The following KIF19 variants were observed in gnomAD, a reference collection of about 807,000 sequenced individuals.
KIF19 encodes the protein kinesin-like protein KIF19.
Under a neutral mutation model 106.6 loss-of-function variants are expected in KIF19, and 98 were observed. The observed-to-expected ratio is 0.92, with a 90% CI of 0.78 to 1.09. The LOEUF (loss-of-function observed/expected upper bound fraction) is 1.09. Ranked by LOEUF, KIF19 falls within the 50% of genes least tolerant of loss-of-function variation. KIF19 has a pLI of 0.00. For synonymous variants in KIF19, 516 were observed against 584.2 expected (o/e 0.88, Z 1.68); for missense variants, 1,373 against 1,414.3 (o/e 0.97, Z 0.47).
At position 74,334,355 on chromosome 17, in the gene KIF19, C is replaced by T. The variant is rs75371884; in HGVS notation, c.120+5850C>T. 3.7e-3 allele frequency among the ~76,000 whole-genome samples: 557 copies of T among 152,264 alleles called. 1 individual carries two copies. The highest frequency in any genetic ancestry group is 0.012 in the African/African-American group (500 of 41,548). ...TTTCCCCACAGATTCTGACTGTGCGCGTGTGGGAAGTGCCTGAGAATCTGC... is the reference window on the plus strand; with the variant it reads ...TTTCCCCACAGATTCTGACTGTGCGTGTGTGGGAAGTGCCTGAGAATCTGC... On this transcript the variant is annotated intron_variant, in intron 2 of 19. Coordinates refer to ENST00000389916, the MANE Select transcript of KIF19 (RefSeq NM_153209.4).
chr17:74,345,215 G>A (rs1199560968), intron 7 of KIF19, among the ~76,000 whole-genome samples: 1 of 152,154 alleles, frequency 6.6e-6, no homozygotes, highest in African/African-American at 2.4e-5. Flanking sequence ...GGGGGGAATG[G>A]GGTAGGGCAT....
intron 2 of KIF19, among the ~76,000 whole-genome samples, chr17:74,334,190 A>G (rs2054168315): frequency 6.6e-6 from 1 of 152,128 alleles, no homozygotes; most frequent in Middle Eastern, 3.4e-3. Context: ...TGTTCTGTTT[A>G]TCCTTTCATC....
chr17:74,337,409 G>T (rs1052543502), intron 2 of KIF19, among the ~76,000 whole-genome samples: 11 of 152,156 alleles, frequency 7.2e-5, no homozygotes, highest in African/African-American at 2.4e-4. Context: ...TCAGTTCTCG[G>T]ATCTGTGCAG....
intron 6 of KIF19, 139 bp from the exon 7 acceptor site, chr17:74,344,622 A>T (rs2054478076): frequency 2.1e-6 from 2 of 964,208 alleles, no homozygotes; most frequent in African/African-American, 1.6e-5. Flanking sequence ...CTCTCAGCAC[A>T]CGGAGCCCAG....
In KIF19 at chr17:74,351,904, G is replaced by C. The variant is rs138800256; in HGVS notation, c.1625G>C (p.Arg542Pro). 1.4e-6 allele frequency: 2 copies of C among 1,416,016 alleles called. No individual in the cohort carries two copies. 87.7% of individuals were successfully genotyped at this position (1,416,016 alleles called of 1,614,324 possible). The change falls in exon 13 of 20, where the codon CGG becomes CCG. Residue 542 changes from arginine (R) to proline (P), a missense_variant. Physicochemically the swap from Arg to Pro is moderately radical, Grantham distance 103. This residue lies in a region of KIF19 where 1,020 missense variants were observed against 1,008.2 expected (regional missense o/e 1.01). Transcript: ENST00000389916. ...CAGCGCTGCCGGGAGCTGCGCGCGC[G>C]GGGCCGGCGCCTGGAGGAGACGCTG... The part of the protein sequence containing the change: ...LEQRCRELRA[R>P]GRRLEETLPR...
At chr17:74,353,677 C>A in intron 17 of KIF19, 96 bp downstream of exon 17, 1 of 932,368 alleles carries the variant, frequency 1.1e-6, no homozygotes, top group Non-Finnish European at 1.7e-6. Flanking sequence ...TCTGCACTGC[C>A]AAGTGCAACC....
chr17:74,351,994 T>TCGA lies in KIF19; in HGVS notation c.1716_1718dup (p.Leu572_Glu573insAsp), dbSNP rs1265299546. ...AGCCTGCTGTGCCGCGTGCACGAGC[T>TCGA]CGAGGTGGAGAACACCGAGATGCAG... On this transcript the variant is annotated inframe_insertion, in exon 13 of 20. Coordinates refer to ENST00000389916, the MANE Select transcript of KIF19 (RefSeq NM_153209.4). 2.6e-6 allele frequency: 4 copies of TCGA among 1,542,166 alleles called. No homozygotes were observed. The highest frequency in any genetic ancestry group is 3.9e-5 in the Admixed American group (2 of 51,822).
At chr17:74,333,842 CT>C (rs11306974) in intron 2 of KIF19, among the ~76,000 whole-genome samples, 16,382 of 143,838 alleles carry the variant, frequency 0.11, 1,367 homozygotes, top group Admixed American at 0.29. Flanking sequence ...AACTTCACTC[CT>C]TTTTTTTTTC....
rs1039641517 is a variant in KIF19 at position 74,351,019 on chromosome 17, G to C, written c.1587+114G>C. The C allele has an allele frequency of 4.8e-6, 5 of 1,034,966 alleles. No homozygotes were observed. The African/African-American group carries it at 7.8e-5, about 16-fold the overall frequency. 64.1% of individuals were successfully genotyped at this position (1,034,966 alleles called of 1,614,324 possible). A position where few individuals can be genotyped will look rare whatever the true frequency, so the allele number is the denominator to read the frequency against. On this transcript the variant is annotated intron_variant, in intron 12 of 19. Transcript: ENST00000389916. ...GTAGCCGTGAGACTTGGGAACTCAG[G>C]CCACAAATCCTGTGTGACTTTGCTA...
intron 2 of KIF19, among the ~76,000 whole-genome samples, chr17:74,341,482 G>C (rs956039546): frequency 5.9e-5 from 9 of 152,216 alleles, no homozygotes; most frequent in African/African-American, 2.2e-4. Flanking sequence ...GTCTGGGCTC[G>C]TGGTAGCCTG....
At chr17:74,342,065 CCCCTGCCTTTGAA>C (rs2054393066) in intron 3 of KIF19, 79 bp downstream of exon 3, 1 of 1,065,044 alleles carries the variant, frequency 9.4e-7, no homozygotes, top group Non-Finnish European at 1.4e-6. Context: ...CCCTCCAGGG[CCCCTGCCTTTGAA>C]CCTCAGCCTC....
At chr17:74,349,767 T>A (rs888658777) in intron 10 of KIF19, among the ~76,000 whole-genome samples, 2 of 151,860 alleles carry the variant, frequency 1.3e-5, no homozygotes, top group Non-Finnish European at 1.5e-5. Flanking sequence ...TAAAAAAAAA[T>A]TTACTAATAT....
chr17:74,343,037 C>G lies in KIF19; in HGVS notation c.333C>G (p.Thr111=). The part of the protein sequence containing the change: ...FAYGPTGCGK[T]YTMLGTDQEP... The stretch of plus-strand genomic sequence containing the variant: ...GTTCTGCCCCAGGCTGTGGGAAAAC[C>G]TACACCATGCTGGGCACAGACCAGG... The change falls in exon 5 of 20, where the codon ACC becomes ACG. Residue 111 remains threonine (T), a synonymous_variant. Coordinates refer to ENST00000389916, the MANE Select transcript of KIF19 (RefSeq NM_153209.4). 6.2e-7 allele frequency: 1 copy of G among 1,608,906 alleles called. No homozygotes were observed.
At chr17:74,349,054 A>G in intron 9 of KIF19, 130 bp from the exon 10 acceptor site, 1 of 828,202 alleles carries the variant, frequency 1.2e-6, no homozygotes, top group Non-Finnish European at 1.9e-6. Context: ...GTGGAAGTGG[A>G]GGAAAGGAGG....
chr17:74,328,291 G>A (rs2053969344), intron 1 of KIF19, 134 bp from the exon 2 acceptor site: 1 of 719,170 alleles, frequency 1.4e-6, no homozygotes, highest in Non-Finnish European at 2.3e-6. Context: ...CTCTGACCTA[G>A]GTAGAGTTTT....
At position 74,349,233 on chromosome 17, in the gene KIF19, G is replaced by T. The variant is rs1181893676; in HGVS notation, c.1097G>T (p.Ser366Ile). 4 of 1,613,816 alleles carry T rather than the reference G, an allele frequency of 2.5e-6. No individual in the cohort carries two copies. The highest frequency in any genetic ancestry group is 3.4e-6 in the Non-Finnish European group (4 of 1,179,878). The stretch of plus-strand genomic sequence containing the variant: ...TCCTACCACATCGCCCAGTACACCA[G>T]CATCATCGCTGACCTGCGGGGCGAG... ...NVSYHIAQYT[S>I]IIADLRGEIQ... Residue 366 changes from serine to isoleucine, a missense_variant, in exon 10 of 20, where the codon AGC becomes ATC. Physicochemically the swap from Ser to Ile is moderately radical, Grantham distance 142. Coordinates refer to ENST00000389916, the MANE Select transcript of KIF19 (RefSeq NM_153209.4).
At chr17:74,334,467 A>C (rs2054174619) in intron 2 of KIF19, among the ~76,000 whole-genome samples, 1 of 151,920 alleles carries the variant, frequency 6.6e-6, no homozygotes, top group African/African-American at 2.4e-5. Context: ...GGTTATACAC[A>C]CTCCCCATCC....
chr17:74,328,459 A>G lies in KIF19; in HGVS notation c.74A>G (p.Glu25Gly). ...CGGGTCCGGCCCATCAGCGTGGCAG[A>G]GCTGGAGGAAGGAGCTACCCTCATC... ...ALRVRPISVA[E>G]LEEGATLIAH... The change falls in exon 2 of 20, where the codon GAG (glutamate) becomes GGG (glycine). Residue 25 changes from glutamate to glycine, a missense_variant. Physicochemically the swap from Glu to Gly is moderately conservative, Grantham distance 98. This residue lies in a region of KIF19 where 348 missense variants were observed against 389.5 expected (regional missense o/e 0.89). Transcript: ENST00000389916. 5 of 1,611,280 alleles carry G rather than the reference A, an allele frequency of 3.1e-6. No individual in the cohort carries two copies. The highest frequency in any genetic ancestry group is 4.2e-6 in the Non-Finnish European group (5 of 1,179,106).
intron 2 of KIF19, among the ~76,000 whole-genome samples, chr17:74,332,465 C>A (rs908649721): frequency 1.3e-5 from 2 of 152,108 alleles, no homozygotes; most frequent in Non-Finnish European, 2.9e-5. Context: ...TCCAATCCCC[C>A]ATCCCTCCCA....
Sources: gnomAD v4.1 joint callset for allele counts (sites outside exome capture counted in the v4.1 genomes callset) on GRCh38, gnomAD v4.1.1 for gene constraint, gnomAD v4.1.1 regional missense constraint, MANE v1.5 for transcripts, NCBI Gene and HGNC (gene_info 2026-07-23, HGNC 2026-07-21) for gene names.